The following PLEKHG5 variants were observed in gnomAD, a reference collection of about 807,000 sequenced individuals.
PLEKHG5 encodes pleckstrin homology domain-containing family G member 5.
A neutral mutation model predicts 103.8 loss-of-function variants in PLEKHG5; 52 were observed. The observed-to-expected ratio is 0.50, with a 90% CI of 0.40 to 0.63. The LOEUF (loss-of-function observed/expected upper bound fraction) is 0.63. Ranked by LOEUF, PLEKHG5 falls within the 30% of genes least tolerant of loss-of-function variation. The pLI, the probability that PLEKHG5 is intolerant of heterozygous loss-of-function variation, is 0.00. For missense variants in PLEKHG5, 1,205 were observed against 1,347.6 expected (o/e 0.89, Z 1.66); for synonymous variants, 592 against 575.5 (o/e 1.03, Z -0.41).
Position 6,491,548 on chromosome 1 carries a change from TG to T in PLEKHG5, c.-88+88del. On this transcript the variant is annotated intron_variant, in intron 1 of 20. Coordinates refer to ENST00000377728, the MANE Select transcript of PLEKHG5 (RefSeq NM_020631.6). This position sits in a 1 kb window ranked among gnomAD's most constrained non-coding sequence, Gnocchi z 4.1. ...GTCACTTCCAGAGATGGCCCAAACC[TG>T]GCCATTCCCTGGGGCATCCTGGTCT... 1 of 616,010 alleles carries T rather than the reference TG, an allele frequency of 1.6e-6. No homozygotes were observed. The highest frequency in any genetic ancestry group is 2.0e-6 in the Non-Finnish European group (1 of 493,304). 38.2% of individuals were successfully genotyped at this position (616,010 alleles called of 1,614,324 possible).
intron 1 of PLEKHG5, among the ~76,000 whole-genome samples, chr1:6,484,054 C>G (rs998949550): frequency 2.0e-5 from 3 of 152,180 alleles, no homozygotes; most frequent in African/African-American, 7.2e-5. Context: ...CGTGCTAGGT[C>G]GGAGGAGTTC....
At position 6,487,035 on chromosome 1, in the gene PLEKHG5, T is replaced by C. The variant is rs926422326; in HGVS notation, c.-88+4602A>G. ...AGGGCAGCAGCGTTTTATTAGAGGC[T>C]GGGAGACTTCCAGGGCTGTCTCCAC... On this transcript the variant is annotated intron_variant, in intron 1 of 20. Transcript: ENST00000377728. The surrounding 1 kb of genome is among the most constrained non-coding windows in gnomAD (Gnocchi z 4.1). Among the ~76,000 whole-genome samples the C allele has an allele frequency of 6.6e-6, 1 of 152,212 alleles. No homozygotes were observed. Among genetic ancestry groups the C allele is most frequent in the African/African-American group, 2.4e-5 (1 of 41,450 alleles).
chr1:6,472,511 C>T lies in PLEKHG5; in HGVS notation c.1080+16G>A, dbSNP rs369325797. ...GGGGCAGGGTGGCCACGGGGACCAG[C>T]GCAGCCCCTACTCACGTTGATGATC... On this transcript the variant is annotated intron_variant, in intron 10 of 20. Coordinates refer to ENST00000377728, the MANE Select transcript of PLEKHG5 (RefSeq NM_020631.6). 4.4e-6 allele frequency: 7 copies of T among 1,578,194 alleles called. No individual in the cohort carries two copies. Among genetic ancestry groups the T allele is most frequent in the East Asian group, 2.2e-5 (1 of 44,674 alleles).
upstream of PLEKHG5, among the ~76,000 whole-genome samples, chr1:6,500,467 G>A (rs955793750): frequency 2.6e-5 from 4 of 151,980 alleles, no homozygotes; most frequent in African/African-American, 2.4e-5. Context: ...CAGCCTAAGC[G>A]GTGTCTGCTC....
chr1:6,519,064 G>C (rs998833012), intron 1 of PLEKHG5, among the ~76,000 whole-genome samples: 1 of 152,156 alleles, frequency 6.6e-6, no homozygotes, highest in African/African-American at 2.4e-5. Flanking sequence ...GGATGGTCTC[G>C]ATCTCCTAAC....
chr1:6,480,743 G>A (rs1271991599), intron 1 of PLEKHG5, among the ~76,000 whole-genome samples: 1 of 151,598 alleles, frequency 6.6e-6, no homozygotes, highest in African/African-American at 2.4e-5. Flanking sequence ...CTACCTCCTG[G>A]GTTCAAGTGA....
At chr1:6,514,765 G>C (rs1242801093) in intron 1 of PLEKHG5, among the ~76,000 whole-genome samples, 2 of 121,562 alleles carry the variant, frequency 1.6e-5, no homozygotes, top group African/African-American at 6.1e-5. Context: ...CATCTTGAAG[G>C]AAAAAAAAAA....
intron 1 of PLEKHG5, among the ~76,000 whole-genome samples, chr1:6,512,903 G>GC (rs1638516606): frequency 6.6e-6 from 1 of 152,088 alleles, no homozygotes; most frequent in African/African-American, 2.4e-5. Flanking sequence ...GCCATGGGGG[G>GC]GTGAATAAAT....
At position 6,505,855 on chromosome 1, in the gene PLEKHG5, G is replaced by C. The variant is rs1339616977; in HGVS notation, c.-164-9286C>G. On this transcript the variant is annotated intron_variant, in intron 1 of 21. Transcript: ENST00000377740. The surrounding 1 kb of genome is among the most constrained non-coding windows in gnomAD (Gnocchi z 4.2). ...CTGGCCCCCAGGGTCCTCATTTCCG[G>C]GTCCTCTCCTGCACCAGCGGCAGCT... Among the ~76,000 whole-genome samples, 1 of 152,164 alleles carries C rather than the reference G, an allele frequency of 6.6e-6. No individual in the cohort carries two copies. Among genetic ancestry groups the C allele is most frequent in the Non-Finnish European group, 1.5e-5 (1 of 68,032 alleles).
At chr1:6,481,413 C>T (rs1179896293) in intron 1 of PLEKHG5, among the ~76,000 whole-genome samples, 1 of 152,078 alleles carries the variant, frequency 6.6e-6, no homozygotes, top group Non-Finnish European at 1.5e-5. Flanking sequence ...TGCCTGTAAT[C>T]CCAGCTACGC....
intron 1 of PLEKHG5, among the ~76,000 whole-genome samples, chr1:6,518,151 C>A (rs912394792): frequency 1.5e-4 from 22 of 151,338 alleles, no homozygotes; most frequent in Non-Finnish European, 2.8e-4. Context: ...CCAGGATGGT[C>A]TTGATCTCCT....
rs376513313 is a variant in PLEKHG5, at chr1:6,470,339, A to T, written c.1697T>A (p.Leu566Gln). The T allele has an allele frequency of 5.1e-5, 83 of 1,613,930 alleles. No homozygotes were observed. The highest frequency in any genetic ancestry group is 7.0e-5 in the Non-Finnish European group (83 of 1,179,974). ...DEVDKLLKEFLHLDLTAPIPG... is the reference protein window; with the variant it reads ...DEVDKLLKEFQHLDLTAPIPG... ...GATGGGCGCTGTCAAGTCCAGGTGC[A>T]GAAATTCCTTCAGGAGCTGGGGACG... The change falls in exon 16 of 21, where the codon CTG becomes CAG. Residue 566 changes from leucine to glutamine, a missense_variant. Transcript: ENST00000377728.
intron 12 of PLEKHG5, 83 bp downstream of exon 12, chr1:6,471,405 G>C: frequency 6.9e-7 from 1 of 1,459,184 alleles, no homozygotes. Flanking sequence ...GGGGATGCTG[G>C]GCAGACCGGA....
intron 1 of PLEKHG5, among the ~76,000 whole-genome samples, chr1:6,479,326 G>A (rs574684921): frequency 6.2e-5 from 8 of 128,230 alleles, no homozygotes; most frequent in Admixed American, 2.9e-4. Flanking sequence ...TCGCTCTGTC[G>A]CCCAGGCTGG....
upstream of PLEKHG5, chr1:6,497,277 C>A: frequency 1.1e-6 from 1 of 928,406 alleles, no homozygotes; most frequent in South Asian, 1.4e-5. The surrounding 1 kb of genome is among the most constrained non-coding windows in gnomAD (Gnocchi z 6.1). Flanking sequence ...CCCGGCCCCC[C>A]AGGACCCCGC....
exon 1 of PLEKHG5, chr1:6,519,745 C>A: frequency 1.7e-6 from 1 of 602,862 alleles, no homozygotes; most frequent in Non-Finnish European, 3.0e-6. Context: ...ACACAGGTCC[C>A]CTGGGCGCTG....
intron 10 of PLEKHG5, 82 bp downstream of exon 10, chr1:6,472,445 C>G: frequency 9.9e-7 from 1 of 1,014,648 alleles, no homozygotes. Flanking sequence ...CCTGCTCCTT[C>G]TGCAAAGGCT....
intron 1 of PLEKHG5, among the ~76,000 whole-genome samples, chr1:6,508,942 G>A (rs755978536): frequency 3.3e-5 from 5 of 152,218 alleles, no homozygotes; most frequent in Admixed American, 6.5e-5. Context: ...ACTGCTGGCC[G>A]CACTGCCCAC....
At position 6,486,267 on chromosome 1, in the gene PLEKHG5, GGTCCGGCTCTCCATCT is replaced by G. The variant is rs1371662555; in HGVS notation, c.-88+5354_-88+5369del. ...GGGGCACACTCCCCTCAGGGTCCTT[GGTCCGGCTCTCCATCT>G]AGCCCCAGGGACACCCCTCTCTGCT... On this transcript the variant is annotated intron_variant, in intron 1 of 20. Transcript: ENST00000377728. This position sits in a 1 kb window ranked among gnomAD's most constrained non-coding sequence, Gnocchi z 5.3. Among the ~76,000 whole-genome samples the G allele has an allele frequency of 6.6e-6, 1 of 152,090 alleles. No homozygotes were observed. Among genetic ancestry groups the G allele is most frequent in the Non-Finnish European group, 1.5e-5 (1 of 67,994 alleles).
Sources: allele counts gnomAD v4.1 joint callset (sites outside exome capture counted in the v4.1 genomes callset), GRCh38; gene constraint gnomAD v4.1.1; non-coding constraint Gnocchi (gnomAD v3.1); transcripts MANE v1.5; gene names NCBI Gene and HGNC (gene_info 2026-07-23, HGNC 2026-07-21).